SLC2A13: variants seen among roughly 807,000 people sequenced by gnomAD.
SLC2A13 encodes the protein solute carrier family 2 member 13.
A neutral mutation model predicts 64.4 loss-of-function variants in SLC2A13; 32 were observed. The observed-to-expected ratio is 0.50, with a 90% CI of 0.37 to 0.67. The LOEUF is 0.67. Ranked by LOEUF, SLC2A13 falls within the 30% of genes least tolerant of loss-of-function variation. The pLI is 0.00. For synonymous variants in SLC2A13, 338 were observed against 327.1 expected (o/e 1.03, Z -0.36); for missense variants, 743 against 829.2 (o/e 0.90, Z 1.28).
Position 39,951,358 on chromosome 12 carries a change from A to T in SLC2A13, c.933T>A (p.Pro311=). ...GATAACTCAGCATTCTGCAGATCAC[A>T]GGTCCAGCTTTTTTAAGAAAGAAAG... is the stretch of plus-strand genomic sequence containing the variant. ...EEEKEVGSAG[P]VICRMLSYPP... The change falls in exon 4 of 10, where the codon CCT becomes CCA. Residue 311 remains proline (P), a synonymous_variant. Coordinates refer to ENST00000280871, the MANE Select transcript of SLC2A13 (RefSeq NM_052885.4). The T allele has an allele frequency of 1.3e-6, 2 of 1,564,952 alleles. No homozygotes were observed. Among genetic ancestry groups the T allele is most frequent in the South Asian group, 2.4e-5 (2 of 81,792 alleles).
chr12:39,887,542 T>C (rs1002383642), intron 4 of SLC2A13, among the ~76,000 whole-genome samples: 15 of 152,228 alleles, frequency 9.9e-5, no homozygotes, highest in Admixed American at 9.2e-4. Flanking sequence ...TCACTCCTTG[T>C]GTGTATCACG....
At chr12:39,950,182 A>T (rs1313295047) in intron 4 of SLC2A13, 5 of 152,140 alleles carry the variant, frequency 3.3e-5, no homozygotes, top group Non-Finnish European at 5.9e-5. Context: ...CTTCTTTTTT[A>T]AAAATATTTT....
intron 4 of SLC2A13, among the ~76,000 whole-genome samples, chr12:39,893,672 G>C (rs909523469): frequency 1.2e-4 from 19 of 152,142 alleles, no homozygotes; most frequent in African/African-American, 4.6e-4. Flanking sequence ...ATTCTAACTA[G>C]AAAAACTGAT....
intron 7 of SLC2A13, among the ~76,000 whole-genome samples, chr12:39,817,878 C>G (rs557891249): frequency 6.6e-6 from 1 of 152,272 alleles, no homozygotes; most frequent in Admixed American, 6.5e-5. Context: ...ATACTCACTA[C>G]AGAGGAGGCT....
intron 3 of SLC2A13, among the ~76,000 whole-genome samples, chr12:40,008,893 T>G (rs909337045): frequency 3.3e-5 from 5 of 152,216 alleles, no homozygotes; most frequent in African/African-American, 1.2e-4. Flanking sequence ...ATTACAGCAC[T>G]GTTTATGATA....
At chr12:39,855,232 A>T (rs1484842915) in intron 6 of SLC2A13, among the ~76,000 whole-genome samples, 3 of 152,226 alleles carry the variant, frequency 2.0e-5, no homozygotes, top group Non-Finnish European at 4.4e-5. Context: ...TTTATTTTTT[A>T]AAGTATTCTG....
intron 4 of SLC2A13, among the ~76,000 whole-genome samples, chr12:39,942,023 G>A (rs1946036488): frequency 6.6e-6 from 1 of 152,012 alleles, no homozygotes; most frequent in African/African-American, 2.4e-5. Flanking sequence ...TGGCCTTAAG[G>A]ATTTGGGTTT....
At position 39,838,900 on chromosome 12, in the gene SLC2A13, T is replaced by C. The variant is rs1300115112; in HGVS notation, c.1320-8672A>G. Among the ~76,000 whole-genome samples the C allele has an allele frequency of 2.2e-4, 34 of 152,064 alleles. 1 individual carries two copies. Among genetic ancestry groups the C allele is most frequent in the Admixed American group, 2.2e-3 (33 of 15,244 alleles). ...CAATGAGATGGAGCACTAAGAACAG[T>C]GTTTGATCTTAAAATGCCTGTCTCT... On this transcript the variant is annotated intron_variant, in intron 6 of 9. Transcript: ENST00000280871.
intron 7 of SLC2A13, among the ~76,000 whole-genome samples, chr12:39,788,114 G>A (rs1211569922): frequency 2.0e-5 from 3 of 152,086 alleles, no homozygotes; most frequent in African/African-American, 7.2e-5. Flanking sequence ...GGAAACTTAT[G>A]TACTGTTGTT....
chr12:39,811,658 A>T (rs1299480487), intron 7 of SLC2A13, among the ~76,000 whole-genome samples: 8 of 152,184 alleles, frequency 5.3e-5, no homozygotes, highest in Non-Finnish European at 1.2e-4. Context: ...CTCTATTATT[A>T]GAGGAATATA....
At chr12:40,085,033 T>G (rs1006576978) in intron 1 of SLC2A13, among the ~76,000 whole-genome samples, 2 of 152,154 alleles carry the variant, frequency 1.3e-5, no homozygotes, top group African/African-American at 4.8e-5. Flanking sequence ...TATAATTGAT[T>G]ATGACACTTC....
chr12:39,898,386 T>C (rs921545630), intron 4 of SLC2A13, among the ~76,000 whole-genome samples: 1 of 152,276 alleles, frequency 6.6e-6, no homozygotes, highest in Non-Finnish European at 1.5e-5. Context: ...TCTACAAATC[T>C]CATGCTAGAA....
At chr12:40,013,793 C>G (rs1171409088) in intron 3 of SLC2A13, among the ~76,000 whole-genome samples, 1 of 152,190 alleles carries the variant, frequency 6.6e-6, no homozygotes, top group Non-Finnish European at 1.5e-5. Context: ...TTCCCTCATC[C>G]CATTCACTTC....
intron 1 of SLC2A13, among the ~76,000 whole-genome samples, chr12:40,079,989 A>C (rs1938333753): frequency 6.6e-6 from 1 of 151,910 alleles, no homozygotes; most frequent in Admixed American, 6.6e-5. Flanking sequence ...TCAGCCTCCC[A>C]AGTAGCTGGT....
Position 40,105,331 on chromosome 12 carries a change from C to A in SLC2A13, c.478G>T (p.Ala160Ser). ...GCCGCAGCCAGCACCGCGGAGCCGG[C>A]GGTGAAGAGGGCACTGGCCAGGAGG... The part of the protein sequence containing the change: ...AILLASALFT[A>S]GSAVLAAANN... Residue 160 changes from alanine (A) to serine (S), a missense_variant, in exon 1 of 10, where the codon GCC (alanine) becomes TCC (serine). This residue lies in a region of SLC2A13 where 448 missense variants were observed against 447.4 expected (regional missense o/e 1.00). Transcript: ENST00000280871. The surrounding 1 kb of genome is among the most constrained non-coding windows in gnomAD (Gnocchi z 4.2). 1 of 1,597,220 alleles carries A rather than the reference C, an allele frequency of 6.3e-7. No homozygotes were observed.
intron 3 of SLC2A13, among the ~76,000 whole-genome samples, chr12:40,018,350 TAA>T (rs967557404): frequency 2.6e-5 from 4 of 152,316 alleles, no homozygotes; most frequent in Middle Eastern, 3.4e-3. Flanking sequence ...ACCCCTAGGA[TAA>T]TGCATCAAAA....
At chr12:39,956,385 T>C (rs912709304) in intron 3 of SLC2A13, among the ~76,000 whole-genome samples, 1 of 152,196 alleles carries the variant, frequency 6.6e-6, no homozygotes, top group African/African-American at 2.4e-5. Flanking sequence ...AATGGTTTCA[T>C]GGTGTTCACA....
In SLC2A13 at chr12:40,105,308, C is replaced by T. The variant is rs768558221; in HGVS notation, c.501G>A (p.Ala167=). The T allele has an allele frequency of 3.7e-6, 6 of 1,601,744 alleles. No individual in the cohort carries two copies. The highest frequency in any genetic ancestry group is 1.1e-5 in the South Asian group (1 of 89,726). Residue 167 remains alanine, a synonymous_variant, in exon 1 of 10, where the codon GCG becomes GCA. Transcript: ENST00000280871. The surrounding 1 kb of genome is among the most constrained non-coding windows in gnomAD (Gnocchi z 4.2). ...CGAGCAGTGTCTCCTTGTTGTTGGC[C>T]GCAGCCAGCACCGCGGAGCCGGCGG... ...LFTAGSAVLA[A]ANNKETLLAG...
intron 3 of SLC2A13, among the ~76,000 whole-genome samples, chr12:39,969,043 G>T (rs1482034299): frequency 6.6e-6 from 1 of 151,936 alleles, no homozygotes; most frequent in Non-Finnish European, 1.5e-5. Context: ...GTGAGAACAC[G>T]TGGTGTTTGG....
Sources: allele counts gnomAD v4.1 joint callset (sites outside exome capture counted in the v4.1 genomes callset), GRCh38; gene constraint gnomAD v4.1.1; regional missense constraint gnomAD v4.1.1; non-coding constraint Gnocchi (gnomAD v3.1); transcripts MANE v1.5; gene names NCBI Gene and HGNC (gene_info 2026-07-23, HGNC 2026-07-21).